The following MECOM variants were observed in gnomAD, a reference collection of about 807,000 sequenced individuals.
MECOM encodes the protein histone-lysine N-methyltransferase MECOM.
A neutral mutation model predicts 116.3 loss-of-function variants in MECOM; 13 were observed. The observed-to-expected ratio is 0.11, with a 90% CI of 0.07 to 0.18. MECOM has a LOEUF of 0.18. Among genes scored for constraint, MECOM ranks in the 10% least tolerant of loss-of-function variants. MECOM has a pLI of 1.00. For missense variants in MECOM, 1,299 were observed against 1,509.0 expected (o/e 0.86, Z 2.31); for synonymous variants, 528 against 535.2 (o/e 0.99, Z 0.19).
intron 1 of MECOM, among the ~76,000 whole-genome samples, chr3:169,564,961 T>C (rs1359334090): frequency 2.0e-5 from 3 of 152,220 alleles, no homozygotes; most frequent in Admixed American, 6.5e-5. Flanking sequence ...AGAAGGATGG[T>C]ACAGGAGAAC....
intron 1 of MECOM, among the ~76,000 whole-genome samples, chr3:169,622,386 C>G (rs1346492121): frequency 1.6e-4 from 25 of 152,202 alleles, no homozygotes; most frequent in Non-Finnish European, 1.5e-5. Context: ...AGCCACTGTG[C>G]CCAGCCGCCA....
intron 2 of MECOM, among the ~76,000 whole-genome samples, 191 bp from the exon 3 acceptor site, chr3:169,144,023 A>T (rs1209750119): frequency 6.6e-6 from 1 of 152,220 alleles, no homozygotes; most frequent in Non-Finnish European, 1.5e-5. Flanking sequence ...CTTTTTTAAA[A>T]AGGAATAAAG....
At chr3:169,374,791 G>A (rs1192881092) in intron 2 of MECOM, among the ~76,000 whole-genome samples, 1 of 151,930 alleles carries the variant, frequency 6.6e-6, no homozygotes, top group Non-Finnish European at 1.5e-5. Context: ...CCAGCACTTT[G>A]GGGAGCCAAG....
chr3:169,562,139 C>CAAAAAACAAAA (rs1762707510), intron 1 of MECOM, among the ~76,000 whole-genome samples: 1 of 25,282 alleles, frequency 4.0e-5, no homozygotes, highest in African/African-American at 1.4e-4. Flanking sequence ...GAGCAATACT[C>CAAAAAACAAAA]AAAAAAAAAA....
chr3:169,499,694 T>C (rs1754300535), intron 1 of MECOM, among the ~76,000 whole-genome samples: 1 of 152,028 alleles, frequency 6.6e-6, no homozygotes, highest in South Asian at 2.1e-4. Flanking sequence ...TCTAAAGCAT[T>C]ATATGCTTTA....
chr3:169,255,151 T>A (rs1398247488), intron 2 of MECOM, among the ~76,000 whole-genome samples: 1 of 152,166 alleles, frequency 6.6e-6, no homozygotes, highest in African/African-American at 2.4e-5. Context: ...CTTTTGTAAT[T>A]GACAGAAGTA....
At chr3:169,142,440 T>C (rs1433902354) in intron 3 of MECOM, among the ~76,000 whole-genome samples, 4 of 151,966 alleles carry the variant, frequency 2.6e-5, no homozygotes, top group Admixed American at 1.3e-4. Context: ...AGATAGTAGG[T>C]ACTCAAAAAA....
chr3:169,227,100 A>G (rs1405482201), intron 2 of MECOM, among the ~76,000 whole-genome samples: 1 of 152,146 alleles, frequency 6.6e-6, no homozygotes, highest in Non-Finnish European at 1.5e-5. Context: ...ACTATTTTAT[A>G]AAATAGTCAT....
At position 169,507,152 on chromosome 3, in the gene MECOM, T is replaced by C. The variant is rs138868346; in HGVS notation, c.38-125628A>G. 3.3e-5 allele frequency among the ~76,000 whole-genome samples: 5 copies of C among 152,352 alleles called. No individual in the cohort carries two copies. In the East Asian group the frequency reaches 7.7e-4, roughly 23 times the overall value. Reference sequence around the variant, plus strand: ...TATACATTGGGTGTTAGCACTAGTCTTCCTGTACAAAATGGTTTATCACTT... The same window carrying C: ...TATACATTGGGTGTTAGCACTAGTCCTCCTGTACAAAATGGTTTATCACTT... On this transcript the variant is annotated intron_variant, in intron 1 of 16. Coordinates refer to ENST00000651503, the MANE Select transcript of MECOM (RefSeq NM_004991.4).
chr3:169,177,979 A>AT (rs932535223), intron 2 of MECOM, among the ~76,000 whole-genome samples: 2 of 152,106 alleles, frequency 1.3e-5, no homozygotes, highest in Non-Finnish European at 2.9e-5. Context: ...TATACGCAAG[A>AT]TAAAAAGAAG....
chr3:169,511,507 G>T (rs985453873), intron 1 of MECOM, among the ~76,000 whole-genome samples: 1 of 152,108 alleles, frequency 6.6e-6, no homozygotes, highest in African/African-American at 2.4e-5. Flanking sequence ...CATGCCTGTA[G>T]TCCCAGCACT....
At chr3:169,281,423 T>C (rs371374068) in intron 2 of MECOM, among the ~76,000 whole-genome samples, 2 of 152,340 alleles carry the variant, frequency 1.3e-5, no homozygotes, top group East Asian at 3.9e-4. Context: ...CTTTGTGAAC[T>C]CTAAAGCATG....
chr3:169,403,406 T>C (rs1736188598), intron 1 of MECOM, among the ~76,000 whole-genome samples: 1 of 152,246 alleles, frequency 6.6e-6, no homozygotes, highest in South Asian at 2.1e-4. Context: ...AAGAGTCTCA[T>C]TGTAATGGGT....
At chr3:169,436,060 T>C (rs1202292328) in intron 1 of MECOM, among the ~76,000 whole-genome samples, 2 of 152,172 alleles carry the variant, frequency 1.3e-5, no homozygotes. Context: ...TCTTTCACAA[T>C]ATGTTGACAT....
At chr3:169,551,170 C>T (rs1484585296) in intron 1 of MECOM, among the ~76,000 whole-genome samples, 1 of 152,064 alleles carries the variant, frequency 6.6e-6, no homozygotes, top group South Asian at 2.1e-4. Flanking sequence ...ATTGATTACA[C>T]CTAAATAATC....
At chr3:169,609,464 T>C (rs866935129) in intron 1 of MECOM, among the ~76,000 whole-genome samples, 50 of 152,186 alleles carry the variant, frequency 3.3e-4, no homozygotes, top group Middle Eastern at 3.4e-3. Context: ...ATCATTTTTT[T>C]TTTTTTGCAA....
chr3:169,336,094 T>G (rs1723550706), intron 2 of MECOM, among the ~76,000 whole-genome samples: 1 of 152,116 alleles, frequency 6.6e-6, no homozygotes, highest in Non-Finnish European at 1.5e-5. Flanking sequence ...TCTAATATCA[T>G]TTTATATAAA....
At chr3:169,596,216 A>T (rs890710180) in intron 1 of MECOM, among the ~76,000 whole-genome samples, 1 of 152,212 alleles carries the variant, frequency 6.6e-6, no homozygotes, top group Non-Finnish European at 1.5e-5. Flanking sequence ...TCATCTTCAG[A>T]AACTGTCACT....
At chr3:169,308,024 T>C (rs1475185823) in intron 2 of MECOM, among the ~76,000 whole-genome samples, 1 of 152,236 alleles carries the variant, frequency 6.6e-6, no homozygotes. Flanking sequence ...GTTAGGTTAC[T>C]CTTCCCCTTT....
Sources: allele counts gnomAD v4.1 joint callset (sites outside exome capture counted in the v4.1 genomes callset), GRCh38; gene constraint gnomAD v4.1.1; transcripts MANE v1.5; gene names NCBI Gene and HGNC (gene_info 2026-07-23, HGNC 2026-07-21).